The following CDH22 variants were observed in gnomAD, a reference collection of about 807,000 sequenced individuals.
CDH22 encodes the protein cadherin 22, also known as cadherin-22.
CDH22 carries 30 observed loss-of-function variants against 58.4 expected under a neutral mutation model. The observed-to-expected ratio is 0.51, with a 90% confidence interval of 0.38 to 0.70. CDH22 has a LOEUF of 0.70. CDH22 is among the 30% of genes least tolerant of loss of function. The pLI is 0.00. For missense variants in CDH22, 1,014 were observed against 1,233.9 expected (o/e 0.82, Z 2.67); for synonymous variants, 513 against 558.2 (o/e 0.92, Z 1.14).
chr20:46,300,169 A>C lies in CDH22; in HGVS notation c.-400+8086T>G, dbSNP rs1272070074. 6.6e-6 allele frequency among the ~76,000 whole-genome samples: 1 copy of C among 152,040 alleles called. No individual in the cohort carries two copies. Among genetic ancestry groups the C allele is most frequent in the African/African-American group, 2.4e-5 (1 of 41,388 alleles). ...TTTCAACTCCAAAATGCATAACCCT[A>C]AACACAGCCACTTGGATCCTAGAAG... On this transcript the variant is annotated intron_variant, in intron 1 of 11. Coordinates refer to ENST00000537909, the MANE Select transcript of CDH22 (RefSeq NM_021248.3). This position sits in a 1 kb window ranked among gnomAD's most constrained non-coding sequence, Gnocchi z 4.4.
intron 2 of CDH22, among the ~76,000 whole-genome samples, chr20:46,247,727 C>T (rs1268334132): frequency 2.6e-5 from 4 of 152,168 alleles, no homozygotes; most frequent in East Asian, 1.9e-4. Flanking sequence ...TTTGAGCCCA[C>T]GCAGTACAGC....
rs559942371 is a variant in CDH22 at position 46,206,129 on chromosome 20, T to C, written c.1286+4178A>G. Among the ~76,000 whole-genome samples, 6 of 152,276 alleles carry C rather than the reference T, an allele frequency of 3.9e-5. No individual in the cohort carries two copies. In the East Asian group the frequency reaches 9.7e-4, roughly 25 times the overall value. ...CACTGGCCCATGTCTGAGGCCATCA[T>C]CTCTGTGGCCAGTGCACAGGGGAGG... On this transcript the variant is annotated intron_variant, in intron 7 of 11. Coordinates refer to ENST00000537909, the MANE Select transcript of CDH22 (RefSeq NM_021248.3).
chr20:46,307,399 C>G (rs532592897), intron 1 of CDH22, among the ~76,000 whole-genome samples: 4 of 152,332 alleles, frequency 2.6e-5, no homozygotes, highest in African/African-American at 9.6e-5. Context: ...CCCGCGCGCC[C>G]ACGCAGTCCA....
At chr20:46,218,722 C>T (rs1222292766) in intron 4 of CDH22, among the ~76,000 whole-genome samples, 1 of 152,168 alleles carries the variant, frequency 6.6e-6, no homozygotes, top group African/African-American at 2.4e-5. Flanking sequence ...GTCCTCCAAG[C>T]TGTTATTGGA....
chr20:46,258,153 G>A (rs923069747), intron 1 of CDH22, among the ~76,000 whole-genome samples: 23 of 152,118 alleles, frequency 1.5e-4, no homozygotes, highest in African/African-American at 5.6e-4. Flanking sequence ...TGACCTTGCT[G>A]GCAGTGACTT....
At position 46,292,535 on chromosome 20, in the gene CDH22, T is replaced by A. The variant is rs576448499; in HGVS notation, c.-400+15720A>T. Among the ~76,000 whole-genome samples, 19 of 152,290 alleles carry A rather than the reference T, an allele frequency of 1.2e-4. No individual in the cohort carries two copies. In the South Asian group the frequency reaches 2.9e-3, roughly 23 times the overall value. On this transcript the variant is annotated intron_variant, in intron 1 of 11. Transcript: ENST00000537909. The stretch of plus-strand genomic sequence containing the variant: ...AGAATCGCAAACGCCCAACTAACTC[T>A]GATGTTCTGATTTTCTGACAAATTA...
chr20:46,248,312 C>T (rs1053983978), intron 2 of CDH22, among the ~76,000 whole-genome samples: 1 of 152,110 alleles, frequency 6.6e-6, no homozygotes. Flanking sequence ...GGGTGGCTGG[C>T]GAGGCTTTTG....
Position 46,174,121 on chromosome 20 carries a change from C to A in CDH22, c.*385G>T. 1 of 266,998 alleles carries A rather than the reference C, an allele frequency of 3.7e-6. No individual in the cohort carries two copies. 16.5% of individuals were successfully genotyped at this position (266,998 alleles called of 1,614,324 possible). ...TGAACAGCCTTCTTTCCTCTTAACT[C>A]TGATGGGGGAAACCTGGGGTGGGGG... On this transcript the variant is annotated 3_prime_UTR_variant, in exon 12 of 12. Coordinates refer to ENST00000537909, the MANE Select transcript of CDH22 (RefSeq NM_021248.3). This position sits in a 1 kb window ranked among gnomAD's most constrained non-coding sequence, Gnocchi z 4.4.
chr20:46,308,450 A>G lies in CDH22; in HGVS notation c.-595T>C, dbSNP rs2059033282. On this transcript the variant is annotated 5_prime_UTR_variant, in exon 1 of 12. Transcript: ENST00000537909. The surrounding 1 kb of genome is among the most constrained non-coding windows in gnomAD (Gnocchi z 4.3). ...GTGAGCGAGAGAGCGAGAGAGCGAG[A>G]GAGCGAGGGAGTGAGCGAGCGAGCG... 4.6e-6 allele frequency: 1 copy of G among 216,638 alleles called. No individual in the cohort carries two copies. The highest frequency in any genetic ancestry group is 9.3e-6 in the Non-Finnish European group (1 of 107,932). The allele number at this position is 216,638 out of a possible 1,614,324, so 13.4% of individuals were successfully genotyped here. A position where few individuals can be genotyped will look rare whatever the true frequency, so the allele number is the denominator to read the frequency against.
At chr20:46,259,970 T>C (rs535558846) in intron 1 of CDH22, among the ~76,000 whole-genome samples, 1 of 152,338 alleles carries the variant, frequency 6.6e-6, no homozygotes, top group South Asian at 2.1e-4. Flanking sequence ...TTCTATTTCA[T>C]TTCAACATTT....
intron 1 of CDH22, among the ~76,000 whole-genome samples, chr20:46,264,273 T>A (rs2425812): frequency 0.31 from 46,629 of 152,082 alleles, 8,554 homozygotes; most frequent in Middle Eastern, 0.51. Context: ...CACAGTGGAA[T>A]GTGTCCCAAG....
chr20:46,277,134 C>T (rs1320542170), intron 1 of CDH22, among the ~76,000 whole-genome samples: 1 of 145,000 alleles, frequency 6.9e-6, no homozygotes, highest in Non-Finnish European at 1.5e-5. Flanking sequence ...AGTGAGACTC[C>T]ACCTCTAAAG....
intron 3 of CDH22, among the ~76,000 whole-genome samples, chr20:46,231,155 G>T (rs939278053): frequency 2.0e-5 from 3 of 152,184 alleles, no homozygotes; most frequent in African/African-American, 7.2e-5. Flanking sequence ...TGGTGCTGCT[G>T]CCCAGCCCTT....
intron 8 of CDH22, among the ~76,000 whole-genome samples, chr20:46,189,769 T>C (rs1358153800): frequency 6.6e-6 from 1 of 152,194 alleles, no homozygotes; most frequent in Non-Finnish European, 1.5e-5. Flanking sequence ...CTGCATATCT[T>C]ATTCTAGGAA....
chr20:46,210,577 AG>A lies in CDH22; in HGVS notation c.1033-18del. The A allele has an allele frequency of 2.1e-6, 3 of 1,423,592 alleles. No homozygotes were observed. The highest frequency in any genetic ancestry group is 2.8e-6 in the Non-Finnish European group (3 of 1,085,156). 88.2% of individuals were successfully genotyped at this position (1,423,592 alleles called of 1,614,324 possible). A position where few individuals can be genotyped will look rare whatever the true frequency, so the allele number is the denominator to read the frequency against. Reference sequence around the variant, plus strand: ...GTCCAGGCGCTGCGGGAGGGAGCAGAGGGCCGGTTAGTGGGTGGGGTCTGGT... The same window carrying A: ...GTCCAGGCGCTGCGGGAGGGAGCAGAGGCCGGTTAGTGGGTGGGGTCTGGT... On this transcript the variant is annotated intron_variant, in intron 6 of 11. Coordinates refer to ENST00000537909, the MANE Select transcript of CDH22 (RefSeq NM_021248.3). The surrounding 1 kb of genome is among the most constrained non-coding windows in gnomAD (Gnocchi z 4.5).
At chr20:46,272,229 C>T (rs564554578) in intron 1 of CDH22, among the ~76,000 whole-genome samples, 95 of 152,314 alleles carry the variant, frequency 6.2e-4, no homozygotes, top group African/African-American at 2.2e-3. Flanking sequence ...TGGTTTAACA[C>T]TGGATGGTGG....
intron 1 of CDH22, among the ~76,000 whole-genome samples, chr20:46,286,554 T>C (rs1384094558): frequency 6.6e-6 from 1 of 152,162 alleles, no homozygotes; most frequent in Admixed American, 6.5e-5. Context: ...TGCTGTGACA[T>C]GCCTTCCCAG....
intron 7 of CDH22, among the ~76,000 whole-genome samples, chr20:46,208,310 A>T (rs1207058890): frequency 1.3e-5 from 2 of 152,004 alleles, no homozygotes; most frequent in Non-Finnish European, 1.5e-5. Flanking sequence ...GAGACTCCCC[A>T]ATACTTACAG....
intron 8 of CDH22, among the ~76,000 whole-genome samples, chr20:46,195,469 C>A (rs1028425480): frequency 2.6e-5 from 4 of 152,182 alleles, no homozygotes; most frequent in South Asian, 2.1e-4. Context: ...AAGCTTCTGG[C>A]GAGTCTGGTT....
Sources: gnomAD v4.1 joint callset for allele counts (sites outside exome capture counted in the v4.1 genomes callset) on GRCh38, gnomAD v4.1.1 for gene constraint, Gnocchi (gnomAD v3.1) non-coding constraint, MANE v1.5 for transcripts, NCBI Gene and HGNC (gene_info 2026-07-23, HGNC 2026-07-21) for gene names.